BICC1: variants seen among roughly 807,000 people sequenced by gnomAD.
BICC1 encodes the protein BicC family RNA binding protein 1, also known as protein bicaudal C homolog 1.
A neutral mutation model predicts 111.0 loss-of-function variants in BICC1; 43 were observed. That is an observed-to-expected ratio of 0.39 (90% confidence interval 0.30 to 0.50). The LOEUF is 0.50. BICC1 is among the 20% of genes least tolerant of loss of function. BICC1 has a pLI of 0.88. For synonymous variants in BICC1, 467 were observed against 434.4 expected (o/e 1.07, Z -0.93); for missense variants, 1,091 against 1,203.2 (o/e 0.91, Z 1.38).
At chr10:58,698,144 A>G (rs1409601421) in intron 2 of BICC1, among the ~76,000 whole-genome samples, 1 of 152,192 alleles carries the variant, frequency 6.6e-6, no homozygotes, top group Non-Finnish European at 1.5e-5. Context: ...TGCACTGGCC[A>G]GAATTTATTT....
At chr10:58,524,271 G>T (rs1055777386) in intron 1 of BICC1, among the ~76,000 whole-genome samples, 10 of 152,162 alleles carry the variant, frequency 6.6e-5, no homozygotes, top group African/African-American at 2.4e-4. Context: ...AACAAAGCTG[G>T]AGGCACCACG....
At chr10:58,569,135 A>G (rs1843863482) in intron 1 of BICC1, among the ~76,000 whole-genome samples, 1 of 152,214 alleles carries the variant, frequency 6.6e-6, no homozygotes, top group African/African-American at 2.4e-5. Context: ...CTGTTCATGT[A>G]TGTTTAAAAG....
intron 3 of BICC1, among the ~76,000 whole-genome samples, chr10:58,750,882 G>T (rs1316269065): frequency 1.3e-5 from 2 of 152,120 alleles, no homozygotes; most frequent in Admixed American, 6.6e-5. Context: ...CTTACCTGAA[G>T]GGTGCTCATT....
chr10:58,712,142 C>T (rs897383949), intron 3 of BICC1, among the ~76,000 whole-genome samples: 1 of 152,028 alleles, frequency 6.6e-6, no homozygotes, highest in African/African-American at 2.4e-5. Flanking sequence ...AAATTAGAAC[C>T]GTTAAGATAT....
chr10:58,799,612 G>A (rs976366713), intron 12 of BICC1, among the ~76,000 whole-genome samples: 3 of 152,002 alleles, frequency 2.0e-5, no homozygotes, highest in Admixed American at 6.6e-5. Context: ...ATTCCTTTCC[G>A]TATTGCTTGT....
At chr10:58,792,254 A>G (rs1337453906) in intron 8 of BICC1, among the ~76,000 whole-genome samples, 1 of 151,418 alleles carries the variant, frequency 6.6e-6, no homozygotes, top group Non-Finnish European at 1.5e-5. Flanking sequence ...GTAGAGCATT[A>G]GAGAAAAAAA....
chr10:58,796,556 AG>A, intron 10 of BICC1, 30 bp downstream of exon 10: 1 of 1,575,012 alleles, frequency 6.3e-7, no homozygotes, highest in Non-Finnish European at 8.6e-7. Context: ...AGCGCGTCTC[AG>A]TCACTGGGGA....
intron 2 of BICC1, among the ~76,000 whole-genome samples, chr10:58,663,279 C>T (rs1838903969): frequency 6.6e-6 from 1 of 152,040 alleles, no homozygotes; most frequent in Admixed American, 6.6e-5. Context: ...GTTGACCAGG[C>T]TGGTCTCGAA....
chr10:58,817,193 C>T (rs1844120841), intron 18 of BICC1, among the ~76,000 whole-genome samples: 1 of 152,078 alleles, frequency 6.6e-6, no homozygotes, highest in African/African-American at 2.4e-5. Context: ...CTTTCCATAC[C>T]TTTATTTTGT....
chr10:58,748,055 A>G (rs1841884514), intron 3 of BICC1, among the ~76,000 whole-genome samples: 1 of 152,182 alleles, frequency 6.6e-6, no homozygotes, highest in South Asian at 2.1e-4. Flanking sequence ...ATTATATCAT[A>G]CTAGGTGATG....
At chr10:58,742,517 A>C (rs1368447598) in intron 3 of BICC1, among the ~76,000 whole-genome samples, 1 of 142,992 alleles carries the variant, frequency 7.0e-6, no homozygotes, top group Non-Finnish European at 1.5e-5. Flanking sequence ...AGCTCACTGT[A>C]ACCTCTTCCT....
intron 1 of BICC1, among the ~76,000 whole-genome samples, chr10:58,522,879 T>C (rs149675351): frequency 0.54 from 81,398 of 151,076 alleles, 22,990 homozygotes; most frequent in African/African-American, 0.71. Flanking sequence ...GATATCACCA[T>C]CGATCCCACA....
At chr10:58,736,815 G>A (rs1262499844) in intron 3 of BICC1, among the ~76,000 whole-genome samples, 1 of 152,124 alleles carries the variant, frequency 6.6e-6, no homozygotes, top group Non-Finnish European at 1.5e-5. Flanking sequence ...AATACTGGAT[G>A]GAGAGGTGAG....
Position 58,817,710 on chromosome 10 carries a change from C to T in BICC1, c.2682C>T (p.Phe894=), listed in dbSNP as rs773199753. 5.0e-6 allele frequency: 8 copies of T among 1,608,530 alleles called. No homozygotes were observed. The highest frequency in any genetic ancestry group is 6.8e-6 in the Non-Finnish European group (8 of 1,177,210). ...KLGLGKYTDV[F]QQQEIDLQTF... Reference sequence around the variant, plus strand: ...GCCTGGGCAAATACACAGATGTTTTCCAGCAACAAGAGGTCAGTCATTATT... The same window carrying T: ...GCCTGGGCAAATACACAGATGTTTTTCAGCAACAAGAGGTCAGTCATTATT... The change falls in exon 19 of 21, where the codon TTC becomes TTT. Residue 894 remains phenylalanine, a synonymous_variant. Transcript: ENST00000373886.
intron 4 of BICC1, 150 bp downstream of exon 4, chr10:58,785,230 T>G (rs1232883360): frequency 8.1e-6 from 4 of 496,704 alleles, no homozygotes; most frequent in Non-Finnish European, 1.4e-5. Flanking sequence ...ACAGTGGATG[T>G]AAAGTTCTGT....
intron 2 of BICC1, among the ~76,000 whole-genome samples, chr10:58,694,964 C>T (rs1313430301): frequency 2.0e-5 from 3 of 152,174 alleles, no homozygotes; most frequent in African/African-American, 7.2e-5. Context: ...CAAGGAGTCA[C>T]ATGACCTGGA....
At chr10:58,809,304 G>C (rs185370561) in intron 17 of BICC1, among the ~76,000 whole-genome samples, 1 of 152,102 alleles carries the variant, frequency 6.6e-6, no homozygotes, top group South Asian at 2.1e-4. Flanking sequence ...CCAGTGTTGG[G>C]ATTACAGGTG....
intron 3 of BICC1, among the ~76,000 whole-genome samples, chr10:58,712,416 G>A (rs1041618900): frequency 2.6e-5 from 4 of 152,164 alleles, no homozygotes; most frequent in East Asian, 1.9e-4. Flanking sequence ...GAAGCTTATA[G>A]CAGCTTTATT....
chr10:58,692,990 T>C (rs1839956976), intron 2 of BICC1, among the ~76,000 whole-genome samples: 1 of 152,168 alleles, frequency 6.6e-6, no homozygotes, highest in Non-Finnish European at 1.5e-5. Context: ...TAGGTGTATC[T>C]CCTAATGCTA....
Sources: allele counts gnomAD v4.1 joint callset (sites outside exome capture counted in the v4.1 genomes callset), GRCh38; gene constraint gnomAD v4.1.1; transcripts MANE v1.5; gene names NCBI Gene and HGNC (gene_info 2026-07-23, HGNC 2026-07-21).